Variants in CMTM8 observed in about 807,000 individuals in gnomAD.
CMTM8 encodes the protein CKLF-like MARVEL transmembrane domain-containing protein 8.
A neutral mutation model predicts 18.6 loss-of-function variants in CMTM8; 12 were observed. The observed-to-expected ratio is 0.65, with a 90% CI of 0.41 to 1.05. CMTM8 has a LOEUF of 1.05. Ranked by LOEUF, CMTM8 falls within the 50% of genes least tolerant of loss-of-function variation. CMTM8 has a pLI of 0.00. For synonymous variants in CMTM8, 87 were observed against 90.6 expected (o/e 0.96, Z 0.23); for missense variants, 217 against 227.2 (o/e 0.95, Z 0.29).
intron 1 of CMTM8, among the ~76,000 whole-genome samples, chr3:32,272,529 A>G (rs1702454190): frequency 6.6e-6 from 1 of 152,168 alleles, no homozygotes; most frequent in South Asian, 2.1e-4. Flanking sequence ...GCTGCATTTT[A>G]GTTATTTATA....
intron 1 of CMTM8, among the ~76,000 whole-genome samples, chr3:32,332,192 G>A (rs1025382153): frequency 2.0e-5 from 3 of 152,202 alleles, no homozygotes; most frequent in Non-Finnish European, 2.9e-5. Flanking sequence ...GAAAAGCAAG[G>A]CATTGTCCAT....
chr3:32,283,825 A>C (rs1371081118), intron 1 of CMTM8, among the ~76,000 whole-genome samples: 5 of 152,212 alleles, frequency 3.3e-5, no homozygotes, highest in Non-Finnish European at 5.9e-5. Context: ...TTATGGCCAG[A>C]AAACAGTGCT....
At chr3:32,275,005 T>C (rs1702493839) in intron 1 of CMTM8, among the ~76,000 whole-genome samples, 1 of 152,150 alleles carries the variant, frequency 6.6e-6, no homozygotes, top group Non-Finnish European at 1.5e-5. Context: ...AAAACTATAA[T>C]CACTTTTCTT....
At chr3:32,304,851 G>A (rs1695691067) in intron 1 of CMTM8, among the ~76,000 whole-genome samples, 1 of 152,212 alleles carries the variant, frequency 6.6e-6, no homozygotes, top group African/African-American at 2.4e-5. Flanking sequence ...ATTGACTTAA[G>A]GAGACAGATT....
intron 1 of CMTM8, among the ~76,000 whole-genome samples, chr3:32,255,563 G>T (rs1702165168): frequency 6.6e-6 from 1 of 151,968 alleles, no homozygotes; most frequent in African/African-American, 2.4e-5. Flanking sequence ...TTTGCTGGAG[G>T]TACCTTTTTG....
intron 1 of CMTM8, among the ~76,000 whole-genome samples, chr3:32,312,920 G>A (rs534327257): frequency 9.4e-4 from 143 of 151,976 alleles, no homozygotes; most frequent in African/African-American, 3.4e-3. Context: ...CAGGAACCAA[G>A]GACAAAAGAC....
rs1020266310 is a variant in CMTM8 at position 32,238,905 on chromosome 3, G to C, written c.-68G>C. ...CCCGCGCCTGTGTCCCCAGGGCGCA[G>C]GGCCGCGCGTCCAGCCCCAGACCCG... On this transcript the variant is annotated 5_prime_UTR_variant, in exon 1 of 4. Coordinates refer to ENST00000307526, the MANE Select transcript of CMTM8 (RefSeq NM_178868.5). 3.5e-5 allele frequency: 51 copies of C among 1,456,306 alleles called. 1 individual carries two copies. Among genetic ancestry groups the C allele is most frequent in the Middle Eastern group, 2.1e-4 (1 of 4,666 alleles). 90.2% of individuals were successfully genotyped at this position (1,456,306 alleles called of 1,614,324 possible).
chr3:32,339,075 C>T (rs1696443734), intron 1 of CMTM8, among the ~76,000 whole-genome samples: 1 of 152,172 alleles, frequency 6.6e-6, no homozygotes, highest in Non-Finnish European at 1.5e-5. Context: ...GACACAGCCT[C>T]CCAAGTCACA....
intron 1 of CMTM8, among the ~76,000 whole-genome samples, chr3:32,267,213 A>G (rs1209192861): frequency 6.6e-6 from 1 of 152,226 alleles, no homozygotes; most frequent in East Asian, 1.9e-4. Flanking sequence ...CTACAAGGCT[A>G]CAGTAACCAA....
At chr3:32,245,574 G>C (rs1339043185) in intron 1 of CMTM8, among the ~76,000 whole-genome samples, 1 of 152,194 alleles carries the variant, frequency 6.6e-6, no homozygotes, top group Admixed American at 6.5e-5. Flanking sequence ...TGCCCTTCCT[G>C]TTATTGATGA....
Position 32,238,976 on chromosome 3 carries a change from G to A in CMTM8, c.4G>A (p.Glu2Lys). The A allele has an allele frequency of 6.5e-7, 1 of 1,548,518 alleles. No homozygotes were observed. Among genetic ancestry groups the A allele is most frequent in the Non-Finnish European group, 8.7e-7 (1 of 1,146,358 alleles). Residue 2 changes from glutamate (E) to lysine (K), a missense_variant, in exon 1 of 4, where the codon GAG becomes AAG. Glu to Lys is a moderately conservative substitution (Grantham distance 56). Coordinates refer to ENST00000307526, the MANE Select transcript of CMTM8 (RefSeq NM_178868.5). ...CCAGCCCGGCAGTGGCTCGACGATG[G>A]AGGAGCCGCAGCGCGCCCGCTCGCA... M[E>K]EPQRARSHTV...
chr3:32,245,066 A>G (rs1701992158), intron 1 of CMTM8, among the ~76,000 whole-genome samples: 1 of 152,250 alleles, frequency 6.6e-6, no homozygotes, highest in Admixed American at 6.5e-5. Flanking sequence ...GATACTGCTT[A>G]TAATTGATGG....
rs1378914667 is a variant in CMTM8, at chr3:32,265,855, A to C, written c.147+26736A>C. ...ACGCAAATAAACTAGAAAATCTAGA[A>C]GAAATGGATAAATTCCTGGACACAT... On this transcript the variant is annotated intron_variant, in intron 1 of 3. Transcript: ENST00000307526. Among the ~76,000 whole-genome samples the C allele has an allele frequency of 2.6e-5, 4 of 152,274 alleles. No homozygotes were observed. The East Asian group carries it at 7.7e-4, about 29-fold the overall frequency.
intron 1 of CMTM8, among the ~76,000 whole-genome samples, chr3:32,267,862 C>T (rs1042666907): frequency 1.3e-5 from 2 of 152,192 alleles, no homozygotes; most frequent in South Asian, 2.1e-4. Flanking sequence ...TCATCACTGG[C>T]CATCAGAGAA....
chr3:32,239,838 C>G (rs901367907), intron 1 of CMTM8, among the ~76,000 whole-genome samples: 2 of 152,206 alleles, frequency 1.3e-5, no homozygotes, highest in South Asian at 2.1e-4. Context: ...CTGTTTGAGT[C>G]TTCTTCGTGT....
At chr3:32,313,935 A>G (rs1559377267) in intron 1 of CMTM8, among the ~76,000 whole-genome samples, 1 of 152,146 alleles carries the variant, frequency 6.6e-6, no homozygotes, top group Non-Finnish European at 1.5e-5. Flanking sequence ...TTGAGGCTAC[A>G]GTGAGCCATG....
chr3:32,260,369 G>A (rs1702239842), intron 1 of CMTM8: 3 of 535,380 alleles, frequency 5.6e-6, no homozygotes, highest in Non-Finnish European at 9.9e-6. Context: ...TATTTTTCAT[G>A]TGCTTTAAAA....
At chr3:32,359,124 A>C (rs894058754) in intron 2 of CMTM8, among the ~76,000 whole-genome samples, 3 of 152,178 alleles carry the variant, frequency 2.0e-5, no homozygotes, top group Non-Finnish European at 4.4e-5. Flanking sequence ...CTCAATTTCT[A>C]GTTATGTTAT....
chr3:32,298,144 G>A (rs1695517228), intron 1 of CMTM8, among the ~76,000 whole-genome samples: 1 of 150,552 alleles, frequency 6.6e-6, no homozygotes, highest in African/African-American at 2.4e-5. Context: ...GGCACAATCT[G>A]GGCTCACTGC....
Sources: gnomAD v4.1 joint callset for allele counts (sites outside exome capture counted in the v4.1 genomes callset) on GRCh38, gnomAD v4.1.1 for gene constraint, MANE v1.5 for transcripts, NCBI Gene and HGNC (gene_info 2026-07-23, HGNC 2026-07-21) for gene names.